ZMYM4: variants seen among roughly 807,000 people sequenced by gnomAD.
The protein encoded by ZMYM4 is zinc finger MYM-type containing 4.
Under a neutral mutation model 183.2 loss-of-function variants are expected in ZMYM4, and 31 were observed. The ratio of observed to expected loss-of-function variants is 0.17; its 90% CI spans 0.13 to 0.23. The LOEUF (loss-of-function observed/expected upper bound fraction) is 0.23, where lower values mean the gene tolerates loss of function less well. Ranked by LOEUF, ZMYM4 falls within the 10% of genes least tolerant of loss-of-function variation. The probability of loss-of-function intolerance (pLI) is 1.00; values close to 1 mark genes in which losing one functional copy is unlikely to be tolerated. For synonymous variants in ZMYM4, 592 were observed against 631.2 expected (o/e 0.94, Z 0.93); for missense variants, 1,273 against 1,840.3 (o/e 0.69, Z 5.64).
chr1:35,375,877 A>C (rs1484297918), intron 7 of ZMYM4, among the ~76,000 whole-genome samples: 1 of 152,102 alleles, frequency 6.6e-6, no homozygotes, highest in Non-Finnish European at 1.5e-5. Context: ...GGATTTCGAG[A>C]CCAGCCTGGG....
In ZMYM4 at chr1:35,421,511, C is replaced by T. The variant is rs1640324812; in HGVS notation, c.*1834C>T. On this transcript the variant is annotated 3_prime_UTR_variant, in exon 30 of 30. Transcript: ENST00000314607. ...GTTTGTATAAACACTAACATTTTCCCCTTCTGTAGTTGTATGAAAAAACAA... is the reference window on the plus strand; with the variant it reads ...GTTTGTATAAACACTAACATTTTCCTCTTCTGTAGTTGTATGAAAAAACAA... 6.6e-6 allele frequency: 1 copy of T among 152,470 alleles called. No individual in the cohort carries two copies. The highest frequency in any genetic ancestry group is 2.1e-4 in the South Asian group (1 of 4,832). The allele number at this position is 152,470 out of a possible 1,614,324, so 9.4% of individuals were successfully genotyped here. A position where few individuals can be genotyped will look rare whatever the true frequency, so the allele number is the denominator to read the frequency against.
At chr1:35,408,855 A>G (rs1273571216) in intron 26 of ZMYM4, among the ~76,000 whole-genome samples, 1 of 152,238 alleles carries the variant, frequency 6.6e-6, no homozygotes, top group African/African-American at 2.4e-5. Context: ...TACATTCTTA[A>G]TGTGCAGTCA....
rs766326988 is a variant in ZMYM4 at position 35,389,122 on chromosome 1, C to T, written c.2436+40C>T. The stretch of plus-strand genomic sequence containing the variant: ...CATTCCTGGGTTTTTCATTCTAGGG[C>T]ATAAATTATTCCCTTTTAAAATTTC... On this transcript the variant is annotated intron_variant, in intron 14 of 29. Coordinates refer to ENST00000314607, the MANE Select transcript of ZMYM4 (RefSeq NM_005095.3). This position sits in a 1 kb window ranked among gnomAD's most constrained non-coding sequence, Gnocchi z 4.0. 6.5e-7 allele frequency: 1 copy of T among 1,547,612 alleles called. No homozygotes were observed. Among genetic ancestry groups the T allele is most frequent in the East Asian group, 2.3e-5 (1 of 43,822 alleles).
At position 35,359,331 on chromosome 1, in the gene ZMYM4, G is replaced by A; in HGVS notation, c.492G>A (p.Glu164=). ...GTCTAGTAAGAGAAAACAGCAAAGA[G>A]ACATTTTCTGGAAAGGAGAAAAATA... ...DFSLVRENSK[E]TFSGKEKNRD... The change falls in exon 3 of 30, where the codon GAG becomes GAA. Residue 164 remains glutamate, a synonymous_variant. Coordinates refer to ENST00000314607, the MANE Select transcript of ZMYM4 (RefSeq NM_005095.3). 2 of 1,610,972 alleles carry A rather than the reference G, an allele frequency of 1.2e-6. No homozygotes were observed. Among genetic ancestry groups the A allele is most frequent in the Non-Finnish European group, 1.7e-6 (2 of 1,179,076 alleles).
At position 35,421,495 on chromosome 1, in the gene ZMYM4, A is replaced by G. The variant is rs1264799662; in HGVS notation, c.*1818A>G. ...CTATACGAATTTTATGGTTTGTATA[A>G]ACACTAACATTTTCCCCTTCTGTAG... On this transcript the variant is annotated 3_prime_UTR_variant, in exon 30 of 30. Transcript: ENST00000314607. 2.6e-5 allele frequency: 4 copies of G among 152,638 alleles called. No homozygotes were observed. Among genetic ancestry groups the G allele is most frequent in the Non-Finnish European group, 5.9e-5 (4 of 68,040 alleles). 9.5% of individuals were successfully genotyped at this position (152,638 alleles called of 1,614,324 possible).
chr1:35,405,364 CCTT>C lies in ZMYM4; in HGVS notation c.3701-8_3701-6del, dbSNP rs1644984286. The C allele has an allele frequency of 6.3e-7, 1 of 1,596,756 alleles. No homozygotes were observed. On this transcript the variant is annotated splice_polypyrimidine_tract_variant and splice_region_variant and intron_variant, in intron 24 of 29. Transcript: ENST00000314607. ...TTAAACTTTTCTTTTATGTTTCTCT[CCTT>C]GTCAGGGGTTGAACAGGCCTCATCT... is the stretch of plus-strand genomic sequence containing the variant.
At chr1:35,333,123 C>A (rs368102712) in intron 2 of ZMYM4, among the ~76,000 whole-genome samples, 105 of 152,222 alleles carry the variant, frequency 6.9e-4, no homozygotes, top group African/African-American at 2.5e-3. Context: ...ATATAAAATA[C>A]CCTGTTAAAA....
chr1:35,401,462 A>AT (rs943635439), intron 23 of ZMYM4, among the ~76,000 whole-genome samples: 5 of 151,804 alleles, frequency 3.3e-5, no homozygotes, highest in African/African-American at 4.8e-5. Context: ...GTTTTCGCAC[A>AT]TTTTTTTCAT....
At chr1:35,355,207 T>A (rs1643777680) in intron 2 of ZMYM4, among the ~76,000 whole-genome samples, 1 of 127,222 alleles carries the variant, frequency 7.9e-6, no homozygotes, top group Admixed American at 1.1e-4. Flanking sequence ...CTTCTTTTTT[T>A]TTTTTTTTTT....
At chr1:35,372,616 A>G (rs1288992815) in intron 7 of ZMYM4, among the ~76,000 whole-genome samples, 1 of 152,228 alleles carries the variant, frequency 6.6e-6, no homozygotes, top group East Asian at 1.9e-4. Flanking sequence ...ACAGACACAC[A>G]CACACAGGTT....
intron 2 of ZMYM4, among the ~76,000 whole-genome samples, chr1:35,350,533 C>T (rs191127588): frequency 1.3e-5 from 2 of 152,254 alleles, no homozygotes; most frequent in African/African-American, 4.8e-5. Context: ...GTAATCCGCC[C>T]ACCCCACCCT....
At chr1:35,297,140 G>A (rs946408312) in intron 1 of ZMYM4, among the ~76,000 whole-genome samples, 8 of 151,926 alleles carry the variant, frequency 5.3e-5, no homozygotes, top group East Asian at 1.9e-4. Context: ...GTGAGGCACC[G>A]CGCCCAGCCT....
At chr1:35,360,975 G>C (rs1643923956) in intron 3 of ZMYM4, among the ~76,000 whole-genome samples, 1 of 149,318 alleles carries the variant, frequency 6.7e-6, no homozygotes, top group African/African-American at 2.5e-5. Flanking sequence ...GTTTGAGCAA[G>C]GAAAAAATGT....
intron 1 of ZMYM4, among the ~76,000 whole-genome samples, chr1:35,270,489 C>T (rs889851181): frequency 1.3e-5 from 2 of 152,200 alleles, no homozygotes; most frequent in East Asian, 3.9e-4. Context: ...ACATGCACAG[C>T]GGCTCACGCC....
intron 1 of ZMYM4, among the ~76,000 whole-genome samples, chr1:35,283,865 A>T (rs991096264): frequency 1.3e-5 from 2 of 152,130 alleles, no homozygotes; most frequent in African/African-American, 4.8e-5. Flanking sequence ...TATTCTAAAT[A>T]TTAAACTCTT....
At chr1:35,395,254 C>A (rs1441485071) in intron 18 of ZMYM4, among the ~76,000 whole-genome samples, 1 of 146,872 alleles carries the variant, frequency 6.8e-6, no homozygotes, top group Admixed American at 6.8e-5. Context: ...GTTTGGTTAT[C>A]AGATGTTTCT....
chr1:35,380,945 A>G (rs1469225783), intron 7 of ZMYM4, among the ~76,000 whole-genome samples: 1 of 152,208 alleles, frequency 6.6e-6, no homozygotes, highest in African/African-American at 2.4e-5. Context: ...TCTAGAAAAG[A>G]AAAATCTCGT....
intron 23 of ZMYM4, among the ~76,000 whole-genome samples, chr1:35,401,483 G>A (rs1258461409): frequency 1.3e-5 from 2 of 151,844 alleles, no homozygotes; most frequent in African/African-American, 4.8e-5. Flanking sequence ...TTTTTTGTTG[G>A]GTTGGTTGTT....
intron 1 of ZMYM4, among the ~76,000 whole-genome samples, chr1:35,285,391 T>C (rs1640428271): frequency 6.6e-6 from 1 of 152,174 alleles, no homozygotes; most frequent in East Asian, 1.9e-4. Context: ...ACAAGTCTTG[T>C]GCTTCCTTGG....
Sources: gnomAD v4.1 joint callset for allele counts (sites outside exome capture counted in the v4.1 genomes callset) on GRCh38, gnomAD v4.1.1 for gene constraint, Gnocchi (gnomAD v3.1) non-coding constraint, MANE v1.5 for transcripts, NCBI Gene and HGNC (gene_info 2026-07-23, HGNC 2026-07-21) for gene names.